SHISA9: variants seen among roughly 807,000 people sequenced by gnomAD.
SHISA9 encodes the protein shisa family member 9, also known as protein shisa-9.
SHISA9 carries 13 observed loss-of-function variants against 38.0 expected under a neutral mutation model. The observed-to-expected ratio is 0.34, with a 90% CI of 0.22 to 0.54. SHISA9 has a LOEUF of 0.54. Among genes scored for constraint, SHISA9 ranks in the 20% least tolerant of loss-of-function variants. The pLI is 0.91. For missense variants in SHISA9, 538 were observed against 575.8 expected (o/e 0.93, Z 0.67); for synonymous variants, 275 against 242.0 (o/e 1.14, Z -1.27).
the SHISA9 span, among the ~76,000 whole-genome samples, chr16:13,463,306 A>G: frequency 6.6e-6 from 1 of 152,214 alleles, no homozygotes. Flanking sequence ...GGAACTAAGT[A>G]GCAGGTGTGG....
the SHISA9 span, among the ~76,000 whole-genome samples, chr16:13,453,923 T>C: frequency 1.2e-4 from 19 of 152,174 alleles, no homozygotes; most frequent in Admixed American, 6.5e-5. Context: ...GTCCGATCTA[T>C]GTTATAATAC....
At chr16:13,432,028 T>C in the SHISA9 span, among the ~76,000 whole-genome samples, 1 of 152,228 alleles carries the variant, frequency 6.6e-6, no homozygotes. Context: ...GCCGTTGCAC[T>C]GGAGCCTGGT....
At chr16:13,392,488 T>C in the SHISA9 span, among the ~76,000 whole-genome samples, 1 of 152,202 alleles carries the variant, frequency 6.6e-6, no homozygotes, top group South Asian at 2.1e-4. Context: ...GTAGACCTTT[T>C]ACTGAATTCA....
intron 2 of SHISA9, among the ~76,000 whole-genome samples, chr16:12,991,761 C>A (rs1378646545): frequency 1.3e-5 from 2 of 152,140 alleles, no homozygotes; most frequent in East Asian, 3.9e-4. Flanking sequence ...GTGATCCAAG[C>A]CTGTGTGTTC....
the SHISA9 span, among the ~76,000 whole-genome samples, chr16:13,426,597 C>G: frequency 0.42 from 63,943 of 151,916 alleles, 13,746 homozygotes; most frequent in African/African-American, 0.48. Context: ...TTCTATTGAT[C>G]GTTCGAAGTA....
intron 2 of SHISA9, among the ~76,000 whole-genome samples, chr16:13,019,947 CTTTCTTTCTTT>C (rs1567184252): frequency 2.3e-4 from 23 of 98,956 alleles, no homozygotes; most frequent in Non-Finnish European, 3.2e-4. Context: ...TTCTTTCTTT[CTTTCTTTCTTT>C]CCCTCCTTCT....
chr16:13,560,114 G>C, the SHISA9 span, among the ~76,000 whole-genome samples: 1 of 152,334 alleles, frequency 6.6e-6, no homozygotes, highest in East Asian at 1.9e-4. Flanking sequence ...AAATAGCATT[G>C]GGGTAGCAGT....
chr16:13,383,463 A>G, the SHISA9 span, among the ~76,000 whole-genome samples: 3 of 152,234 alleles, frequency 2.0e-5, no homozygotes, highest in Non-Finnish European at 4.4e-5. Context: ...AGAAAGGTAG[A>G]GACAGAGAAA....
At chr16:13,207,514 C>T (rs1248456962) in intron 3 of SHISA9, among the ~76,000 whole-genome samples, 1 of 152,036 alleles carries the variant, frequency 6.6e-6, no homozygotes, top group Non-Finnish European at 1.5e-5. Flanking sequence ...CACTCTAATA[C>T]CTCCTAGAAA....
At chr16:13,263,637 T>C in the SHISA9 span, among the ~76,000 whole-genome samples, 1 of 152,222 alleles carries the variant, frequency 6.6e-6, no homozygotes, top group Non-Finnish European at 1.5e-5. Flanking sequence ...TCTTATAAAT[T>C]ATCCAGTCTC....
At chr16:12,991,643 C>T (rs1238955535) in intron 2 of SHISA9, among the ~76,000 whole-genome samples, 2 of 152,172 alleles carry the variant, frequency 1.3e-5, no homozygotes, top group South Asian at 2.1e-4. Flanking sequence ...TCACTCTGTT[C>T]ATTGCTCTAT....
At chr16:13,209,978 G>T (rs565726340) in intron 3 of SHISA9, among the ~76,000 whole-genome samples, 90 of 152,294 alleles carry the variant, frequency 5.9e-4, no homozygotes, top group African/African-American at 2.0e-3. Flanking sequence ...GCACATGCCT[G>T]TAGTCTCAGC....
At chr16:13,256,071 G>A in the SHISA9 span, among the ~76,000 whole-genome samples, 2 of 152,106 alleles carry the variant, frequency 1.3e-5, no homozygotes, top group African/African-American at 4.8e-5. Context: ...GCTATTGGAA[G>A]TTCCCCCATA....
the SHISA9 span, among the ~76,000 whole-genome samples, chr16:13,251,287 A>G: frequency 6.6e-6 from 1 of 152,110 alleles, no homozygotes; most frequent in East Asian, 1.9e-4. Flanking sequence ...CAACTCCTGT[A>G]TTTGATATTT....
chr16:13,042,364 T>C (rs1403286343), intron 2 of SHISA9, among the ~76,000 whole-genome samples: 1 of 152,204 alleles, frequency 6.6e-6, no homozygotes, highest in Non-Finnish European at 1.5e-5. Flanking sequence ...TGTAGGATTA[T>C]TGGCCAATTT....
At chr16:13,428,967 A>G in the SHISA9 span, among the ~76,000 whole-genome samples, 519 of 152,038 alleles carry the variant, frequency 3.4e-3, no homozygotes, top group Non-Finnish European at 5.9e-3. Flanking sequence ...GGGTTTTGCT[A>G]TGTTGACCAG....
At chr16:13,437,234 G>A in the SHISA9 span, among the ~76,000 whole-genome samples, 1 of 152,172 alleles carries the variant, frequency 6.6e-6, no homozygotes, top group Admixed American at 6.5e-5. Context: ...AACATCTGGG[G>A]GGATTGGTTG....
At chr16:13,018,596 G>T (rs999662335) in intron 2 of SHISA9, among the ~76,000 whole-genome samples, 3 of 152,182 alleles carry the variant, frequency 2.0e-5, no homozygotes, top group Admixed American at 6.5e-5. Flanking sequence ...AGGGGGTGTG[G>T]AGACTTCTCA....
intron 2 of SHISA9, among the ~76,000 whole-genome samples, chr16:12,955,651 T>TG (rs2071822187): frequency 7.2e-6 from 1 of 139,176 alleles, no homozygotes. Flanking sequence ...AAAAAAACAA[T>TG]GGGGAAAGGA....
Sources: gnomAD v4.1 joint callset for allele counts (sites outside exome capture counted in the v4.1 genomes callset) on GRCh38, gnomAD v4.1.1 for gene constraint, MANE v1.5 for transcripts, NCBI Gene and HGNC (gene_info 2026-07-23, HGNC 2026-07-21) for gene names.